Variants in NOL10 observed in about 807,000 individuals in gnomAD.
NOL10 encodes H_NH0074G24.1.
Under a neutral mutation model 103.5 loss-of-function variants are expected in NOL10, and 58 were observed. The ratio of observed to expected loss-of-function variants is 0.56; its 90% CI spans 0.45 to 0.70. The LOEUF is 0.70. Ranked by LOEUF, NOL10 falls within the 30% of genes least tolerant of loss-of-function variation. The probability of loss-of-function intolerance (pLI) is 0.00; values close to 1 mark genes in which losing one functional copy is unlikely to be tolerated. For synonymous variants in NOL10, 287 were observed against 282.5 expected, an observed-to-expected ratio of 1.02 and a Z score of -0.16; for missense variants, 763 against 807.3, an observed-to-expected ratio of 0.95 and a Z score of 0.67.
At chr2:10,611,239 A>G (rs1676550831) in intron 13 of NOL10, among the ~76,000 whole-genome samples, 1 of 152,244 alleles carries the variant, frequency 6.6e-6, no homozygotes, top group Non-Finnish European at 1.5e-5. Context: ...ACTTGATTCT[A>G]TAAAATATGA....
At position 10,570,969 on chromosome 2, in the gene NOL10, G is replaced by T. The variant is rs780569241; in HGVS notation, c.*1102C>A. On this transcript the variant is annotated 3_prime_UTR_variant, in exon 21 of 21. Transcript: ENST00000381685. The stretch of plus-strand genomic sequence containing the variant: ...GGGACCAGAAGTCTTTTAGACTTTG[G>T]TTTTTTTGTGTGTTTTGGAATATCT... 2.0e-5 allele frequency: 3 copies of T among 151,918 alleles called. No homozygotes were observed. Among genetic ancestry groups the T allele is most frequent in the Non-Finnish European group, 4.4e-5 (3 of 68,002 alleles). The allele number at this position is 151,918 out of a possible 1,614,324, so 9.4% of individuals were successfully genotyped here.
chr2:10,590,659 C>T (rs184686229), intron 17 of NOL10, among the ~76,000 whole-genome samples: 1 of 152,242 alleles, frequency 6.6e-6, no homozygotes, highest in Admixed American at 6.5e-5. Flanking sequence ...ATTGTGTATC[C>T]TTCAGATACA....
At chr2:10,583,108 G>C (rs1485885399) in intron 19 of NOL10, among the ~76,000 whole-genome samples, 2 of 152,160 alleles carry the variant, frequency 1.3e-5, no homozygotes, top group Non-Finnish European at 2.9e-5. Context: ...ACACGCTCCA[G>C]GTTTGGCCCT....
chr2:10,647,341 T>C (rs1679154844), intron 12 of NOL10, among the ~76,000 whole-genome samples: 1 of 152,160 alleles, frequency 6.6e-6, no homozygotes, highest in Admixed American at 6.5e-5. Flanking sequence ...CTGCTCAAAG[T>C]GTGTCCCCAG....
Position 10,571,892 on chromosome 2 carries a change from C to T in NOL10, c.*179G>A, listed in dbSNP as rs780846253. 91 of 660,142 alleles carry T rather than the reference C, an allele frequency of 1.4e-4. No homozygotes were observed. The highest frequency in any genetic ancestry group is 5.7e-5 in the East Asian group (2 of 34,898). The allele number at this position is 660,142 out of a possible 1,614,324, so 40.9% of individuals were successfully genotyped here. A position where few individuals can be genotyped will look rare whatever the true frequency, so the allele number is the denominator to read the frequency against. On this transcript the variant is annotated 3_prime_UTR_variant, in exon 21 of 21. Transcript: ENST00000381685. ...CCTGGGGCTGTGCGGTGGCCGTCGG[C>T]GGGGCCAGCTTCAAAGTCCAACCCA... is the stretch of plus-strand genomic sequence containing the variant.
At chr2:10,617,779 C>CA (rs1255908432) in intron 13 of NOL10, among the ~76,000 whole-genome samples, 1 of 152,120 alleles carries the variant, frequency 6.6e-6, no homozygotes, top group African/African-American at 2.4e-5. Flanking sequence ...TGTCACTCAG[C>CA]AATCAAAAGG....
intron 20 of NOL10, among the ~76,000 whole-genome samples, chr2:10,573,655 C>A (rs1341376598): frequency 3.8e-3 from 477 of 124,420 alleles, no homozygotes; most frequent in Middle Eastern, 4.5e-3. Flanking sequence ...TTTGTAATGT[C>A]AAAAAAAAAA....
rs1031664288 is a variant in NOL10, at chr2:10,571,819, G to A, written c.*252C>T. The A allele has an allele frequency of 4.5e-5, 16 of 352,560 alleles. No homozygotes were observed. Among genetic ancestry groups the A allele is most frequent in the African/African-American group, 1.7e-4 (8 of 47,544 alleles). The allele number at this position is 352,560 out of a possible 1,614,324, so 21.8% of individuals were successfully genotyped here. A position where few individuals can be genotyped will look rare whatever the true frequency, so the allele number is the denominator to read the frequency against. On this transcript the variant is annotated 3_prime_UTR_variant, in exon 21 of 21. Coordinates refer to ENST00000381685, the MANE Select transcript of NOL10 (RefSeq NM_024894.4). ...CAGCCTGGTTTTCATGATTAACGCC[G>A]TGGGGAAAGGACAATGTTTCCAGGG...
At chr2:10,627,649 T>C (rs950265763) in intron 13 of NOL10, among the ~76,000 whole-genome samples, 8 of 151,296 alleles carry the variant, frequency 5.3e-5, no homozygotes, top group African/African-American at 1.9e-4. Flanking sequence ...CACTCTAGCC[T>C]GGGTGACAGC....
intron 19 of NOL10, among the ~76,000 whole-genome samples, chr2:10,580,462 G>A (rs965045013): frequency 6.6e-6 from 1 of 151,792 alleles, no homozygotes; most frequent in African/African-American, 2.4e-5. Context: ...TATAGTAAAG[G>A]ATTCTAGGGG....
chr2:10,589,624 C>CT lies in NOL10; in HGVS notation c.1549dup (p.Arg517LysfsTer15), dbSNP rs1675295955. The CT allele has an allele frequency of 6.3e-7, 1 of 1,591,542 alleles. No homozygotes were observed. On this transcript the variant is annotated frameshift_variant, in exon 18 of 21. Transcript: ENST00000381685. LOFTEE classifies it high-confidence loss of function. ...CTCTAAGAGTCTTAGTTTCTTCTTCCTTTTTTCACTAATTTTTGAAACAAG... is the reference window on the plus strand; with the variant it reads ...CTCTAAGAGTCTTAGTTTCTTCTTCCTTTTTTTCACTAATTTTTGAAACAAG...
At chr2:10,675,378 C>A (rs905606097) in intron 4 of NOL10, among the ~76,000 whole-genome samples, 4 of 151,760 alleles carry the variant, frequency 2.6e-5, no homozygotes, top group Admixed American at 1.3e-4. Flanking sequence ...ATCCTATAAC[C>A]ACAACAAACT....
intron 20 of NOL10, among the ~76,000 whole-genome samples, chr2:10,576,972 G>A (rs181604636): frequency 5.3e-4 from 80 of 152,202 alleles, no homozygotes; most frequent in African/African-American, 1.9e-3. Context: ...TATTGAAGAG[G>A]ACTGACTTTG....
rs1572253199 is a variant in NOL10, at chr2:10,593,758, G to A, written c.1423-4007C>T. ...CTGCAAGAGCAAGAGAGGTGTGCTG[G>A]CCACAAGGAGGGGAGGGCAAGGCTG... On this transcript the variant is annotated intron_variant, in intron 17 of 20. Transcript: ENST00000381685. Among the ~76,000 whole-genome samples the A allele has an allele frequency of 2.0e-5, 3 of 152,124 alleles. No individual in the cohort carries two copies. In the South Asian group the frequency reaches 6.2e-4, roughly 32 times the overall value.
At chr2:10,631,643 T>C (rs551520089) in intron 13 of NOL10, among the ~76,000 whole-genome samples, 14 of 152,158 alleles carry the variant, frequency 9.2e-5, no homozygotes, top group Non-Finnish European at 1.8e-4. Context: ...GAAGGCACTG[T>C]CAGAGCCAAA....
rs149789461 is a variant in NOL10 at position 10,583,993 on chromosome 2, G to A, written c.1844+5050C>T. The stretch of plus-strand genomic sequence containing the variant: ...TCCCATTCATCTAAGCTGTAAGATC[G>A]TGGCTTTCCAGTGCTTGCTCGGCTA... On this transcript the variant is annotated intron_variant, in intron 19 of 20. Transcript: ENST00000381685. 2.0e-5 allele frequency among the ~76,000 whole-genome samples: 3 copies of A among 152,286 alleles called. No homozygotes were observed. The East Asian group carries it at 5.8e-4, about 29-fold the overall frequency.
intron 17 of NOL10, 86 bp downstream of exon 17, chr2:10,600,767 T>A: frequency 1.1e-6 from 1 of 908,178 alleles, no homozygotes; most frequent in Non-Finnish European, 1.7e-6. Context: ...CTACATGTAT[T>A]TTTAAAGTAA....
chr2:10,642,348 T>C (rs1259908763), intron 13 of NOL10, among the ~76,000 whole-genome samples: 1 of 152,204 alleles, frequency 6.6e-6, no homozygotes, highest in Non-Finnish European at 1.5e-5. Context: ...CTGGCACAGG[T>C]AATGCAGGTG....
At chr2:10,648,461 A>T (rs1679235996) in intron 12 of NOL10, among the ~76,000 whole-genome samples, 1 of 152,184 alleles carries the variant, frequency 6.6e-6, no homozygotes, top group Non-Finnish European at 1.5e-5. Context: ...TTATGAAATA[A>T]ATTATTTGGC....
Sources: gnomAD v4.1 joint callset for allele counts (sites outside exome capture counted in the v4.1 genomes callset) on GRCh38, gnomAD v4.1.1 for gene constraint, MANE v1.5 for transcripts, NCBI Gene and HGNC (gene_info 2026-07-23, HGNC 2026-07-21) for gene names.